The following SP140L variants were observed in gnomAD, a reference collection of about 807,000 sequenced individuals.
SP140L encodes nuclear body protein SP140-like protein.
SP140L carries 64 observed loss-of-function variants against 84.3 expected under a neutral mutation model. The ratio of observed to expected loss-of-function variants is 0.76; its 90% CI spans 0.62 to 0.94. The LOEUF (loss-of-function observed/expected upper bound fraction) is 0.94. Among genes scored for constraint, SP140L ranks in the 40% least tolerant of loss-of-function variants. SP140L has a pLI of 0.00. For missense variants in SP140L, 628 were observed against 692.5 expected, an observed-to-expected ratio of 0.91 and a Z score of 1.05; for synonymous variants, 242 against 236.9, an observed-to-expected ratio of 1.02 and a Z score of -0.20.
chr2:230,343,896 G>T (rs1319598695), intron 2 of SP140L, among the ~76,000 whole-genome samples: 1 of 152,094 alleles, frequency 6.6e-6, no homozygotes, highest in Non-Finnish European at 1.5e-5. Flanking sequence ...AAACTGTTAT[G>T]ATTACTGTTT....
chr2:230,361,208 T>A (rs1003361794), intron 4 of SP140L, among the ~76,000 whole-genome samples: 2 of 152,180 alleles, frequency 1.3e-5, no homozygotes, highest in African/African-American at 4.8e-5. Flanking sequence ...TGCGTCACCA[T>A]CCCACAGTTC....
chr2:230,354,096 C>T (rs976725503), intron 2 of SP140L, among the ~76,000 whole-genome samples: 10 of 152,168 alleles, frequency 6.6e-5, no homozygotes, highest in Admixed American at 2.0e-4. Flanking sequence ...TTGGAATTTC[C>T]CCCCATTTCC....
At chr2:230,393,848 A>T (rs937534275) in intron 13 of SP140L, among the ~76,000 whole-genome samples, 5 of 152,172 alleles carry the variant, frequency 3.3e-5, no homozygotes, top group African/African-American at 4.8e-5. Context: ...GATTTTTTTC[A>T]TTGATGTTAT....
At chr2:230,361,582 T>A in intron 4 of SP140L, 32 bp from the exon 5 acceptor site, 1 of 1,518,602 alleles carries the variant, frequency 6.6e-7, no homozygotes. Context: ...TCACAGATCT[T>A]TAATTGCTTT....
Position 230,389,900 on chromosome 2 carries a change from A to G in SP140L, c.860-19A>G, listed in dbSNP as rs371554689. ...TGCCTTTGCAAAGTGAGACAGAATG[A>G]AGAAATCCTCTCTTTCAGCTTCAAG... On this transcript the variant is annotated intron_variant, in intron 10 of 18. Transcript: ENST00000415673. 2 of 1,612,032 alleles carry G rather than the reference A, an allele frequency of 1.2e-6. No individual in the cohort carries two copies. The highest frequency in any genetic ancestry group is 1.7e-6 in the Non-Finnish European group (2 of 1,178,710).
At chr2:230,362,700 A>T (rs998095002) in intron 5 of SP140L, among the ~76,000 whole-genome samples, 1 of 152,190 alleles carries the variant, frequency 6.6e-6, no homozygotes, top group Non-Finnish European at 1.5e-5. Context: ...TCCATTTTGC[A>T]GATAAGAAAC....
At chr2:230,351,516 A>T (rs2060363470) in intron 2 of SP140L, among the ~76,000 whole-genome samples, 1 of 152,248 alleles carries the variant, frequency 6.6e-6, no homozygotes, top group East Asian at 1.9e-4. Context: ...ATGTTTTTCT[A>T]CACTGTCTTT....
chr2:230,379,927 A>C (rs2061353939), intron 7 of SP140L, among the ~76,000 whole-genome samples: 1 of 152,210 alleles, frequency 6.6e-6, no homozygotes. Flanking sequence ...TCTTGGGAGA[A>C]TTGTATACTA....
intron 4 of SP140L, 94 bp from the exon 5 acceptor site, chr2:230,361,520 G>C: frequency 1.2e-5 from 11 of 889,962 alleles, no homozygotes; most frequent in African/African-American, 1.7e-5. Flanking sequence ...TTCTGAGTCA[G>C]CCTAATGCTG....
intron 12 of SP140L, 140 bp from the exon 13 acceptor site, chr2:230,393,274 A>C (rs2061902098): frequency 1.2e-6 from 1 of 849,072 alleles, no homozygotes; most frequent in Non-Finnish European, 1.8e-6. Flanking sequence ...AGACAGGGAG[A>C]TGGTTTCTCA....
At chr2:230,373,286 C>T (rs577495859) in intron 7 of SP140L, among the ~76,000 whole-genome samples, 3 of 152,190 alleles carry the variant, frequency 2.0e-5, no homozygotes, top group Non-Finnish European at 4.4e-5. Context: ...ACTAAACAGC[C>T]TTCCATTGAA....
At chr2:230,355,130 A>G (rs2060504477) in intron 2 of SP140L, among the ~76,000 whole-genome samples, 1 of 152,122 alleles carries the variant, frequency 6.6e-6, no homozygotes, top group African/African-American at 2.4e-5. Flanking sequence ...CAAAAAAAGG[A>G]AATAATTGTT....
rs1292006468 is a variant in SP140L, at chr2:230,400,135, C to T, written c.1206C>T (p.Asn402=). 9 of 1,614,110 alleles carry T rather than the reference C, an allele frequency of 5.6e-6. No homozygotes were observed. The highest frequency in any genetic ancestry group is 7.6e-6 in the Non-Finnish European group (9 of 1,179,998). ...NNSSVDPCMR[N]LDECEVCRDG... ...ACTGTTTTACCTTCTAGATGAGAAACTTGGATGAGTGTGAGGTGTGCCGGG... is the reference window on the plus strand; with the variant it reads ...ACTGTTTTACCTTCTAGATGAGAAATTTGGATGAGTGTGAGGTGTGCCGGG... Residue 402 remains asparagine (N), a synonymous_variant, in exon 15 of 19, where the codon AAC becomes AAT. Coordinates refer to ENST00000415673, the MANE Select transcript of SP140L (RefSeq NM_138402.6).
chr2:230,371,107 G>C (rs1395647222), intron 6 of SP140L, 140 bp downstream of exon 6: 3 of 681,680 alleles, frequency 4.4e-6, no homozygotes, highest in African/African-American at 3.6e-5. Context: ...GAACTGCAGA[G>C]AGGCAAGAGA....
intron 2 of SP140L, among the ~76,000 whole-genome samples, chr2:230,343,013 C>T (rs919103595): frequency 2.6e-5 from 4 of 152,066 alleles, no homozygotes; most frequent in Non-Finnish European, 5.9e-5. Context: ...TAGCTATAAA[C>T]CTGATAGAAT....
intron 2 of SP140L, among the ~76,000 whole-genome samples, chr2:230,329,131 C>T (rs1300210031): frequency 6.6e-6 from 1 of 152,154 alleles, no homozygotes; most frequent in African/African-American, 2.4e-5. Flanking sequence ...TTTTATAAGA[C>T]AGATGCACCC....
In SP140L at chr2:230,385,229, A is replaced by G; in HGVS notation, c.709A>G (p.Ser237Gly). 2 of 1,613,684 alleles carry G rather than the reference A, an allele frequency of 1.2e-6. No individual in the cohort carries two copies. Among genetic ancestry groups the G allele is most frequent in the Non-Finnish European group, 8.5e-7 (1 of 1,179,712 alleles). Reference protein sequence around the residue: ...TQKNNQQNDNSKADGQLVSSE... With the variant: ...TQKNNQQNDNGKADGQLVSSE... The stretch of plus-strand genomic sequence containing the variant: ...TTTCCCTTGCCTATCCCCAGATAAC[A>G]GCAAAGCCGATGGCCAGCTGGTCTC... The change falls in exon 9 of 19, where the codon AGC becomes GGC. Residue 237 changes from serine (S) to glycine (G), a missense_variant. Around this residue, in one of 4 missense-constraint regions of SP140L, gnomAD observed 525 missense variants for 518.4 expected, o/e 1.01. Transcript: ENST00000415673.
intron 7 of SP140L, among the ~76,000 whole-genome samples, chr2:230,381,230 G>A (rs894647146): frequency 2.0e-5 from 3 of 152,060 alleles, no homozygotes; most frequent in Non-Finnish European, 2.9e-5. Context: ...TCACCTCTGG[G>A]GATATTAAGC....
At chr2:230,359,261 G>A (rs1457635291) in intron 4 of SP140L, 129 bp downstream of exon 4, 16 of 754,368 alleles carry the variant, frequency 2.1e-5, no homozygotes, top group East Asian at 1.4e-4. Flanking sequence ...CAAAATAGAC[G>A]TGTCATGAGT....
Sources: allele counts gnomAD v4.1 joint callset (sites outside exome capture counted in the v4.1 genomes callset), GRCh38; gene constraint gnomAD v4.1.1; regional missense constraint gnomAD v4.1.1; transcripts MANE v1.5; gene names NCBI Gene and HGNC (gene_info 2026-07-23, HGNC 2026-07-21).